CSTF3: variants seen among roughly 807,000 people sequenced by gnomAD.
CSTF3 encodes the protein CF-1 77 kDa subunit.
In CSTF3, 29 loss-of-function variants were observed where a neutral mutation model predicts 105.8. That is an observed-to-expected ratio of 0.27 (90% CI 0.20 to 0.37). The LOEUF is 0.37. Among genes scored for constraint, CSTF3 ranks in the 10% least tolerant of loss-of-function variants. CSTF3 has a pLI of 1.00. For synonymous variants in CSTF3, 252 were observed against 281.9 expected, an observed-to-expected ratio of 0.89 and a Z score of 1.06; for missense variants, 357 against 879.3, an observed-to-expected ratio of 0.41 and a Z score of 7.51.
intron 3 of CSTF3, among the ~76,000 whole-genome samples, chr11:33,122,914 C>CAAAAAAAAAAAAAAAAAAAAAAAAA (rs10600978): frequency 7.2e-5 from 6 of 83,798 alleles, no homozygotes; most frequent in Admixed American, 4.2e-4. Context: ...TATCCTGTCT[C>CAAAAAAAAAAAAAAAAAAAAAAAAA]AAAAAAAAAA....
At chr11:33,096,030 T>G (rs894119515) in intron 15 of CSTF3, among the ~76,000 whole-genome samples, 1 of 152,074 alleles carries the variant, frequency 6.6e-6, no homozygotes, top group Non-Finnish European at 1.5e-5. Flanking sequence ...GAGATGAATA[T>G]AAACAACTCT....
At chr11:33,151,955 G>A (rs752294593) in intron 1 of CSTF3, among the ~76,000 whole-genome samples, 4 of 152,136 alleles carry the variant, frequency 2.6e-5, no homozygotes, top group African/African-American at 4.8e-5. Context: ...AAAGTAGAGC[G>A]TCTTTTCATT....
intron 1 of CSTF3, among the ~76,000 whole-genome samples, chr11:33,158,900 G>A (rs1476653419): frequency 6.6e-6 from 1 of 151,988 alleles, no homozygotes; most frequent in Non-Finnish European, 1.5e-5. Context: ...ACTTCGAATA[G>A]ACAACAGCCC....
At chr11:33,102,583 GT>G (rs1179374280) in intron 9 of CSTF3, among the ~76,000 whole-genome samples, 3 of 152,164 alleles carry the variant, frequency 2.0e-5, no homozygotes, top group Non-Finnish European at 4.4e-5. Context: ...GATCTAGGAG[GT>G]TACTTTCCAG....
At chr11:33,152,856 G>A (rs1565021351) in intron 1 of CSTF3, among the ~76,000 whole-genome samples, 1 of 151,980 alleles carries the variant, frequency 6.6e-6, no homozygotes, top group Non-Finnish European at 1.5e-5. Flanking sequence ...TACTTGGGAA[G>A]GTGAGGCAGG....
rs1855160122 is a variant in CSTF3, at chr11:33,090,628, C to A, written c.1545G>T (p.Glu515Asp). 7 of 1,612,558 alleles carry A rather than the reference C, an allele frequency of 4.3e-6. No individual in the cohort carries two copies. The highest frequency in any genetic ancestry group is 5.9e-6 in the Non-Finnish European group (7 of 1,179,378). Residue 515 changes from glutamate to aspartate, a missense_variant, in exon 17 of 21, where the codon GAG (glutamate) becomes GAT (aspartate). Around this residue, in one of 4 missense-constraint regions of CSTF3, gnomAD observed 206 missense variants for 576.5 expected, o/e 0.36. Coordinates refer to ENST00000323959, the MANE Select transcript of CSTF3 (RefSeq NM_001326.3). ...GTAAAGCCGTTTCTTTCCCTTCATA[C>A]TCTTCTTTGAATGCTGTAAACCGTC... is the stretch of plus-strand genomic sequence containing the variant. Reference protein sequence around the residue: ...EKRRFTAFKEEYEGKETALLV... With the variant: ...EKRRFTAFKEDYEGKETALLV...
intron 3 of CSTF3, 96 bp from the exon 4 acceptor site, chr11:33,108,514 C>A: frequency 1.1e-6 from 1 of 896,994 alleles, no homozygotes; most frequent in Non-Finnish European, 1.5e-6. Context: ...CAAATTCATC[C>A]CTATAGTTTC....
intron 3 of CSTF3, among the ~76,000 whole-genome samples, chr11:33,120,950 C>G (rs1855480804): frequency 6.6e-6 from 1 of 151,984 alleles, no homozygotes. Context: ...ATAATACTAT[C>G]AGTAAATTCA....
At chr11:33,122,106 T>C (rs138225739) in intron 3 of CSTF3, among the ~76,000 whole-genome samples, 135 of 152,360 alleles carry the variant, frequency 8.9e-4, no homozygotes, top group African/African-American at 3.2e-3. Context: ...AAATAATCTA[T>C]GGATTAGCTT....
chr11:33,101,030 A>T (rs1322902547), intron 10 of CSTF3, among the ~76,000 whole-genome samples: 1 of 152,190 alleles, frequency 6.6e-6, no homozygotes, highest in Non-Finnish European at 1.5e-5. Flanking sequence ...TGACCAAAAG[A>T]AGCAGAAATC....
chr11:33,105,723 A>T (rs1565006064), intron 7 of CSTF3, 30 bp from the exon 8 acceptor site: 1 of 1,610,408 alleles, frequency 6.2e-7, no homozygotes, highest in Non-Finnish European at 8.5e-7. Flanking sequence ...GCCATCAATT[A>T]TATTATAACC....
chr11:33,159,595 CAAA>C (rs71034656), intron 1 of CSTF3, among the ~76,000 whole-genome samples: 6 of 37,948 alleles, frequency 1.6e-4, no homozygotes, highest in Non-Finnish European at 2.2e-4. Context: ...GGCTCCATCT[CAAA>C]AAAAAAAAAA....
chr11:33,155,692 G>C (rs1849856790), intron 1 of CSTF3, among the ~76,000 whole-genome samples: 1 of 152,082 alleles, frequency 6.6e-6, no homozygotes, highest in Non-Finnish European at 1.5e-5. Context: ...TCTAAAGATA[G>C]TTTAAACAAC....
chr11:33,106,143 C>G (rs1179685708), intron 5 of CSTF3, 79 bp from the exon 6 acceptor site: 1 of 1,078,692 alleles, frequency 9.3e-7, no homozygotes, highest in Non-Finnish European at 1.4e-6. Context: ...GACATGGTGG[C>G]TCATGCCTGT....
At chr11:33,097,794 G>C (rs193292761) in intron 13 of CSTF3, among the ~76,000 whole-genome samples, 1 of 152,172 alleles carries the variant, frequency 6.6e-6, no homozygotes, top group African/African-American at 2.4e-5. Flanking sequence ...CACCTACAGA[G>C]TGTCCAGTAC....
chr11:33,122,579 T>C (rs1337376983), intron 3 of CSTF3, among the ~76,000 whole-genome samples: 1 of 151,946 alleles, frequency 6.6e-6, no homozygotes, highest in Non-Finnish European at 1.5e-5. Flanking sequence ...AATCAGAGAT[T>C]TGGCCAACAG....
At chr11:33,085,370 C>T (rs1029890232) in intron 20 of CSTF3, 81 bp from the exon 21 acceptor site, 11 of 469,356 alleles carry the variant, frequency 2.3e-5, no homozygotes, top group South Asian at 3.7e-5. Context: ...TACTTTATTT[C>T]ATAGCCTACT....
chr11:33,150,121 C>T (rs1855839533), intron 1 of CSTF3, among the ~76,000 whole-genome samples: 1 of 146,364 alleles, frequency 6.8e-6, no homozygotes, highest in Non-Finnish European at 1.5e-5. Flanking sequence ...AGGCTGAGAC[C>T]GGAGAATTGC....
In CSTF3 at chr11:33,113,683, CTTT is replaced by C. The variant is rs371618772; in HGVS notation, c.226-5268_226-5266del. On this transcript the variant is annotated intron_variant, in intron 3 of 20. Coordinates refer to ENST00000323959, the MANE Select transcript of CSTF3 (RefSeq NM_001326.3). The stretch of plus-strand genomic sequence containing the variant: ...ATAAATTTTTTAAATCTTCAACTTC[CTTT>C]TTTTTAATAGAAGAGTATGATAATT... Among the ~76,000 whole-genome samples the C allele has an allele frequency of 2.4e-4, 37 of 151,816 alleles. No individual in the cohort carries two copies. In the East Asian group the frequency reaches 4.2e-3, roughly 17 times the overall value.
Sources: allele counts gnomAD v4.1 joint callset (sites outside exome capture counted in the v4.1 genomes callset), GRCh38; gene constraint gnomAD v4.1.1; regional missense constraint gnomAD v4.1.1; transcripts MANE v1.5; gene names NCBI Gene and HGNC (gene_info 2026-07-23, HGNC 2026-07-21).